FRAS1: variants seen among roughly 807,000 people sequenced by gnomAD.
The protein encoded by FRAS1 is Fraser extracellular matrix complex subunit 1.
In FRAS1, 290 loss-of-function variants were observed where a neutral mutation model predicts 435.2. That is an observed-to-expected ratio of 0.67 (90% confidence interval 0.61 to 0.73). The LOEUF is 0.73. Among genes scored for constraint, FRAS1 ranks in the 30% least tolerant of loss-of-function variants. The probability of loss-of-function intolerance (pLI) is 0.00; values close to 1 mark genes in which losing one functional copy is unlikely to be tolerated. For synonymous variants in FRAS1, 1,800 were observed against 1,851.0 expected (o/e 0.97, Z 0.71); for missense variants, 4,860 against 5,001.5 (o/e 0.97, Z 0.85).
intron 29 of FRAS1, among the ~76,000 whole-genome samples, chr4:78,395,965 A>AT (rs957766225): frequency 3.6e-4 from 54 of 150,354 alleles, no homozygotes; most frequent in African/African-American, 6.6e-4. Flanking sequence ...TGATTTGATG[A>AT]TTTTTTTTTG....
intron 15 of FRAS1, among the ~76,000 whole-genome samples, chr4:78,313,491 C>T (rs921904899): frequency 1.3e-5 from 2 of 152,146 alleles, no homozygotes; most frequent in African/African-American, 4.8e-5. Flanking sequence ...AACATTGATT[C>T]TCTGTAGCAG....
intron 2 of FRAS1, among the ~76,000 whole-genome samples, chr4:78,211,841 A>G (rs890734009): frequency 7.9e-5 from 12 of 152,158 alleles, no homozygotes; most frequent in African/African-American, 2.9e-4. Flanking sequence ...GTAACCATTA[A>G]GCAGTAACTT....
chr4:78,513,342 A>C (rs1721098343), intron 64 of FRAS1, 50 bp from the exon 65 acceptor site: 2 of 1,583,758 alleles, frequency 1.3e-6, no homozygotes, highest in Non-Finnish European at 1.7e-6. Context: ...TGTCCTATTG[A>C]CCATTTATAG....
intron 2 of FRAS1, among the ~76,000 whole-genome samples, chr4:78,191,716 G>A (rs1220846160): frequency 4.7e-5 from 7 of 148,596 alleles, no homozygotes; most frequent in East Asian, 4.1e-4. Context: ...AACAGGCCCC[G>A]GTGTGTGATG....
intron 29 of FRAS1, among the ~76,000 whole-genome samples, chr4:78,388,490 G>A (rs1732316280): frequency 6.6e-6 from 1 of 151,858 alleles, no homozygotes; most frequent in African/African-American, 2.4e-5. Flanking sequence ...TTTGCCCTAG[G>A]GAGTAGGAGC....
At chr4:78,522,363 T>C (rs1721409829) in intron 68 of FRAS1, among the ~76,000 whole-genome samples, 1 of 152,180 alleles carries the variant, frequency 6.6e-6, no homozygotes, top group African/African-American at 2.4e-5. Context: ...AAGACCCCTA[T>C]TATTGTGAAT....
intron 2 of FRAS1, among the ~76,000 whole-genome samples, chr4:78,103,663 C>T (rs1742244828): frequency 6.6e-6 from 1 of 152,046 alleles, no homozygotes; most frequent in Admixed American, 6.6e-5. Context: ...GGGGTTAGTG[C>T]CTATATAAAA....
chr4:78,490,118 A>AAT (rs1720305372), intron 59 of FRAS1, among the ~76,000 whole-genome samples: 1 of 152,132 alleles, frequency 6.6e-6, no homozygotes, highest in African/African-American at 2.4e-5. Flanking sequence ...AACTTTCCTA[A>AAT]ATATATATGC....
At chr4:78,275,097 C>G (rs899204309) in intron 9 of FRAS1, among the ~76,000 whole-genome samples, 10 of 152,080 alleles carry the variant, frequency 6.6e-5, no homozygotes, top group African/African-American at 1.2e-4. Context: ...TTTAATCTTT[C>G]TTGGTTTAAA....
chr4:78,120,339 A>G (rs747292186), intron 2 of FRAS1, among the ~76,000 whole-genome samples: 1 of 152,184 alleles, frequency 6.6e-6, no homozygotes, highest in Non-Finnish European at 1.5e-5. Context: ...GGCTTATTCC[A>G]TATATGGGCT....
intron 15 of FRAS1, among the ~76,000 whole-genome samples, chr4:78,309,328 G>C (rs1428123987): frequency 6.6e-6 from 1 of 152,198 alleles, no homozygotes; most frequent in East Asian, 1.9e-4. Context: ...ATGGTAATTT[G>C]CTACAGCAGC....
chr4:78,114,999 G>A (rs182980409), intron 2 of FRAS1, among the ~76,000 whole-genome samples: 79 of 152,134 alleles, frequency 5.2e-4, no homozygotes, highest in African/African-American at 1.8e-3. Flanking sequence ...TTTGAGATAC[G>A]TCCCATCAAT....
At chr4:78,478,454 A>G (rs764099796) in intron 55 of FRAS1, among the ~76,000 whole-genome samples, 1 of 152,248 alleles carries the variant, frequency 6.6e-6, no homozygotes, top group Non-Finnish European at 1.5e-5. Flanking sequence ...AGACAGAAAT[A>G]TGCTGAAAAT....
At position 78,429,201 on chromosome 4, in the gene FRAS1, C is replaced by T; in HGVS notation, c.4818C>T (p.Val1606=). 3.1e-6 allele frequency: 5 copies of T among 1,607,362 alleles called. No individual in the cohort carries two copies. The highest frequency in any genetic ancestry group is 4.2e-6 in the Non-Finnish European group (5 of 1,177,264). ...VFQVTAPRLA[V]SPGGSTSVGL... is the part of the protein sequence containing the mutation. ...AGGTCACAGCTCCACGGCTGGCGGT[C>T]AGCCCAGGAGGCAGCACTTCTGTAG... Residue 1606 remains valine, a synonymous_variant, in exon 36 of 74, where the codon GTC becomes GTT. Coordinates refer to ENST00000512123, the MANE Select transcript of FRAS1 (RefSeq NM_025074.7).
At chr4:78,086,986 G>T (rs6856815) in intron 2 of FRAS1, among the ~76,000 whole-genome samples, 101,823 of 151,996 alleles carry the variant, frequency 0.67, 35,468 homozygotes, top group East Asian at 0.88. Context: ...GAGAATTTTA[G>T]ACCAATATCC....
chr4:78,511,820 C>A (rs1026217976), intron 64 of FRAS1, among the ~76,000 whole-genome samples: 19 of 152,202 alleles, frequency 1.2e-4, no homozygotes, highest in Non-Finnish European at 2.2e-4. Context: ...CCCTAACCCC[C>A]TTCCACTGGC....
At chr4:78,412,643 A>G (rs951267472) in intron 31 of FRAS1, among the ~76,000 whole-genome samples, 7 of 152,222 alleles carry the variant, frequency 4.6e-5, no homozygotes, top group African/African-American at 1.7e-4. Context: ...ATAATATGTA[A>G]TTGATATGTG....
intron 4 of FRAS1, 118 bp from the exon 5 acceptor site, chr4:78,252,274 C>A: frequency 2.0e-6 from 2 of 996,152 alleles, no homozygotes; most frequent in East Asian, 2.5e-5. Flanking sequence ...AGCTTTATTC[C>A]ACCTTTCCCT....
intron 66 of FRAS1, 37 bp from the exon 67 acceptor site, chr4:78,519,294 G>A: frequency 2.1e-6 from 3 of 1,459,172 alleles, no homozygotes; most frequent in Non-Finnish European, 1.8e-6. Flanking sequence ...CATCCCAGGG[G>A]AGAAATAACT....
Sources: allele counts gnomAD v4.1 joint callset (sites outside exome capture counted in the v4.1 genomes callset), GRCh38; gene constraint gnomAD v4.1.1; transcripts MANE v1.5; gene names NCBI Gene and HGNC (gene_info 2026-07-23, HGNC 2026-07-21).